Variants in BZW1 observed in about 807,000 individuals in gnomAD.
The protein encoded by BZW1 is eIF5-mimic protein 2.
In BZW1, 3 loss-of-function variants were observed where a neutral mutation model predicts 54.1. The observed-to-expected ratio is 0.06, with a 90% confidence interval of 0.03 to 0.14. BZW1 has a LOEUF of 0.14. Ranked by LOEUF, BZW1 falls within the 10% of genes least tolerant of loss-of-function variation. BZW1 has a pLI of 1.00. For missense variants in BZW1, 206 were observed against 491.7 expected, an observed-to-expected ratio of 0.42 and a Z score of 5.50; for synonymous variants, 152 against 162.7, an observed-to-expected ratio of 0.93 and a Z score of 0.50.
At chr2:200,820,605 C>G (rs554086887) in intron 10 of BZW1, among the ~76,000 whole-genome samples, 74 of 152,222 alleles carry the variant, frequency 4.9e-4, no homozygotes, top group African/African-American at 1.6e-3. Context: ...TCACTTGAGC[C>G]TAGGAGGTCA....
At chr2:200,818,634 A>G (rs1349043003) in intron 8 of BZW1, 121 bp from the exon 9 acceptor site, 1 of 1,160,460 alleles carries the variant, frequency 8.6e-7, no homozygotes, top group Non-Finnish European at 1.2e-6. Context: ...TGTGGTACAC[A>G]TGTGGTTGCC....
chr2:200,819,157 AAG>A, intron 9 of BZW1: 2 of 409,810 alleles, frequency 4.9e-6, no homozygotes, highest in South Asian at 3.0e-5. Context: ...TTTGGGAGGC[AAG>A]GGCAGGAGGA....
Position 200,818,710 on chromosome 2 carries a change from A to G in BZW1, c.820-45A>G, listed in dbSNP as rs572725621. On this transcript the variant is annotated intron_variant, in intron 8 of 11. Transcript: ENST00000409600. ...TAAACTTGATGTGTGAAGTATGTAC[A>G]TAATCAAAACTGACTTCTGTTACTA... The G allele has an allele frequency of 3.9e-5, 61 of 1,558,508 alleles. No homozygotes were observed. In the Middle Eastern group the frequency reaches 7.1e-4, roughly 18 times the overall value.
At chr2:200,816,788 C>G (rs990391073) in intron 5 of BZW1, among the ~76,000 whole-genome samples, 4 of 152,054 alleles carry the variant, frequency 2.6e-5, no homozygotes, top group African/African-American at 9.7e-5. Flanking sequence ...ACGCCTGGCC[C>G]AATATTGCAT....
intron 11 of BZW1, 129 bp from the exon 12 acceptor site, chr2:200,822,000 CAGAGGTTGCAGTGAGCCA>C (rs2038539656): frequency 1.5e-6 from 1 of 668,766 alleles, no homozygotes; most frequent in Admixed American, 2.5e-5. Context: ...ACCCGGGAGG[CAGAGGTTGCAGTGAGCCA>C]AGAGGGTGCT....
At chr2:200,812,015 C>T (rs1487544502) in intron 1 of BZW1, 25 bp downstream of exon 1, 2 of 387,886 alleles carry the variant, frequency 5.2e-6, no homozygotes, top group Non-Finnish European at 9.0e-6. Context: ...CCCGCTCACC[C>T]CGGGCGGACG....
At chr2:200,820,340 T>G in intron 10 of BZW1, 1 of 385,170 alleles carries the variant, frequency 2.6e-6, no homozygotes, top group Non-Finnish European at 4.7e-6. Context: ...AAAGCCATCA[T>G]TATGCGTCCT....
intron 10 of BZW1, 22 bp from the exon 11 acceptor site, chr2:200,821,161 A>G (rs764987738): frequency 1.9e-6 from 3 of 1,610,794 alleles, no homozygotes; most frequent in Non-Finnish European, 2.5e-6. Context: ...AACTCCCTTA[A>G]TGCAATGAGT....
intron 1 of BZW1, chr2:200,812,884 A>G: frequency 1.5e-6 from 1 of 653,496 alleles, no homozygotes; most frequent in Non-Finnish European, 2.9e-6. Flanking sequence ...GTCGTGGAAG[A>G]TGTAAGTGAA....
chr2:200,812,952 A>G (rs2038143334), intron 1 of BZW1: 4 of 677,252 alleles, frequency 5.9e-6, no homozygotes, highest in Admixed American at 4.1e-5. Flanking sequence ...TGATCACTGT[A>G]GCACTACAAT....
At chr2:200,817,058 T>G (rs200487828) in intron 5 of BZW1, 48 bp from the exon 6 acceptor site, 4 of 1,591,484 alleles carry the variant, frequency 2.5e-6, no homozygotes, top group Non-Finnish European at 2.6e-6. Context: ...GCTTCTCTTA[T>G]TGTAATGCAG....
intron 10 of BZW1, 73 bp downstream of exon 10, chr2:200,820,193 G>C: frequency 4.0e-6 from 5 of 1,259,318 alleles, no homozygotes; most frequent in Non-Finnish European, 5.4e-6. Context: ...TCCAAATGAT[G>C]AGTTATCTGG....
rs1283299315 is a variant in BZW1, at chr2:200,824,713, C to CT, written c.*2535_*2536insT. ...TTTGAGACGGAGTCTCGCTCTGTCA[C>CT]CAGGCTGGAGTGCAGTGGCGCGATC... is the stretch of plus-strand genomic sequence containing the variant. On this transcript the variant is annotated 3_prime_UTR_variant, in exon 12 of 12. Transcript: ENST00000409600. 6.8e-6 allele frequency: 1 copy of CT among 146,722 alleles called. No individual in the cohort carries two copies. Among genetic ancestry groups the CT allele is most frequent in the Non-Finnish European group, 1.5e-5 (1 of 67,132 alleles). The allele number at this position is 146,722 out of a possible 1,614,324, so 9.1% of individuals were successfully genotyped here.
At chr2:200,813,344 C>G in intron 2 of BZW1, 63 bp downstream of exon 2, 3 of 1,426,242 alleles carry the variant, frequency 2.1e-6, no homozygotes, top group South Asian at 2.4e-5. Flanking sequence ...ATCTTGCCTT[C>G]TCTGACAGGT....
At chr2:200,816,962 T>G in intron 5 of BZW1, 144 bp from the exon 6 acceptor site, 4 of 944,482 alleles carry the variant, frequency 4.2e-6, no homozygotes, top group Non-Finnish European at 4.6e-6. Context: ...ATTCAGCTAA[T>G]GAGTATTGTA....
chr2:200,818,095 T>C lies in BZW1; in HGVS notation c.648+12T>C, dbSNP rs1050420087. 3 of 1,540,736 alleles carry C rather than the reference T, an allele frequency of 1.9e-6. No homozygotes were observed. The African/African-American group carries it at 4.1e-5, about 21-fold the overall frequency. On this transcript the variant is annotated intron_variant, in intron 7 of 11. Transcript: ENST00000409600. ...ATAACAGACTGATGGTTGGTAACTT[T>C]TTTTCATTCTTCCCATTCTTGCCAA...
In BZW1 at chr2:200,826,571, C is replaced by T. The variant is rs1425079545; in HGVS notation, c.*4393C>T. ...TCCTAGCTGGGATTACAGGCGCCCA[C>T]CAACCAAGCCCGGCTAAGGTATTTT... On this transcript the variant is annotated 3_prime_UTR_variant, in exon 12 of 12. Transcript: ENST00000409600. 2 of 151,946 alleles carry T rather than the reference C, an allele frequency of 1.3e-5. No individual in the cohort carries two copies. Among genetic ancestry groups the T allele is most frequent in the Admixed American group, 1.3e-4 (2 of 15,264 alleles). 9.4% of individuals were successfully genotyped at this position (151,946 alleles called of 1,614,324 possible).
rs755744469 is a variant in BZW1 at position 200,818,871 on chromosome 2, T to G, written c.936T>G (p.Leu312=). 1 of 1,595,912 alleles carries G rather than the reference T, an allele frequency of 6.3e-7. No individual in the cohort carries two copies. Among genetic ancestry groups the G allele is most frequent in the South Asian group, 1.1e-5 (1 of 87,452 alleles). Residue 312 remains leucine, a synonymous_variant, in exon 9 of 12, where the codon CTT becomes CTG. Transcript: ENST00000409600. ...STVEWNKKEE[L]VAEQAIKHLK... is the part of the protein sequence containing the mutation. Reference sequence around the variant, plus strand: ...TGGAATGGAACAAAAAAGAGGAGCTTGTAGCAGAGCAAGCCATCAAGCACT... The same window carrying G: ...TGGAATGGAACAAAAAAGAGGAGCTGGTAGCAGAGCAAGCCATCAAGCACT...
chr2:200,826,393 ATAGATAGATAGATATTTT>A lies in BZW1; in HGVS notation c.*4217_*4234del, dbSNP rs1559318291. 10 of 113,078 alleles carry A rather than the reference ATAGATAGATAGATATTTT, an allele frequency of 8.8e-5. No homozygotes were observed. The highest frequency in any genetic ancestry group is 1.3e-4 in the Non-Finnish European group (7 of 55,282). 7.0% of individuals were successfully genotyped at this position (113,078 alleles called of 1,614,324 possible). A position where few individuals can be genotyped will look rare whatever the true frequency, so the allele number is the denominator to read the frequency against. ...AAGATATAGATAGATAGATAGATAGATAGATAGATAGATATTTTTTTTTTTTTTTTTTTTTTTTTTTTT... is the reference window on the plus strand; with the variant it reads ...AAGATATAGATAGATAGATAGATAGATTTTTTTTTTTTTTTTTTTTTTTTT... On this transcript the variant is annotated 3_prime_UTR_variant, in exon 12 of 12. Coordinates refer to ENST00000409600, the MANE Select transcript of BZW1 (RefSeq NM_001207067.2).
Sources: gnomAD v4.1 joint callset for allele counts (sites outside exome capture counted in the v4.1 genomes callset) on GRCh38, gnomAD v4.1.1 for gene constraint, MANE v1.5 for transcripts, NCBI Gene and HGNC (gene_info 2026-07-23, HGNC 2026-07-21) for gene names.